Variants in ADAMTSL1 observed in about 807,000 individuals in gnomAD.
ADAMTSL1 encodes ADAMTS like 1.
A neutral mutation model predicts 201.8 loss-of-function variants in ADAMTSL1; 126 were observed. The observed-to-expected ratio is 0.62, with a 90% CI of 0.54 to 0.72. The LOEUF is 0.72. Ranked by LOEUF, ADAMTSL1 falls within the 30% of genes least tolerant of loss-of-function variation. The pLI is 0.00. For missense variants in ADAMTSL1, 2,679 were observed against 2,277.8 expected, an observed-to-expected ratio of 1.18 and a Z score of -3.59; for synonymous variants, 1,121 against 903.4, an observed-to-expected ratio of 1.24 and a Z score of -4.32.
At chr9:18,558,632 T>C (rs1821264768) in intron 3 of ADAMTSL1, among the ~76,000 whole-genome samples, 1 of 152,226 alleles carries the variant, frequency 6.6e-6, no homozygotes, top group Non-Finnish European at 1.5e-5. Flanking sequence ...ATCAACAGTG[T>C]AAAAGTGTTC....
chr9:18,414,392 C>G (rs561365040), intron 2 of ADAMTSL1, among the ~76,000 whole-genome samples: 13 of 152,156 alleles, frequency 8.5e-5, no homozygotes, highest in African/African-American at 2.9e-4. Flanking sequence ...TCAACATAAA[C>G]AGCTTCTATT....
intron 2 of ADAMTSL1, among the ~76,000 whole-genome samples, chr9:18,391,611 G>A (rs1466085936): frequency 1.3e-5 from 2 of 152,076 alleles, no homozygotes; most frequent in Non-Finnish European, 2.9e-5. Context: ...ATATTCATTG[G>A]CACAAGAATG....
intron 2 of ADAMTSL1, among the ~76,000 whole-genome samples, chr9:18,336,591 A>G (rs1376849745): frequency 3.3e-5 from 5 of 152,188 alleles, no homozygotes; most frequent in Non-Finnish European, 7.3e-5. Flanking sequence ...ACATCATAGA[A>G]TTTAAAATTT....
chr9:18,744,165 T>C (rs1358370704), intron 15 of ADAMTSL1, among the ~76,000 whole-genome samples: 8 of 152,266 alleles, frequency 5.3e-5, no homozygotes, highest in African/African-American at 1.9e-4. Context: ...CAAGTAGTTA[T>C]GAGCACCACA....
intron 1 of ADAMTSL1, among the ~76,000 whole-genome samples, chr9:17,992,983 A>T (rs1399513489): frequency 6.6e-6 from 1 of 152,164 alleles, no homozygotes; most frequent in South Asian, 2.1e-4. Flanking sequence ...ATCTATGTAA[A>T]TTTATATTTG....
At chr9:18,649,771 C>T (rs4977506) in intron 7 of ADAMTSL1, among the ~76,000 whole-genome samples, 3 of 151,724 alleles carry the variant, frequency 2.0e-5, no homozygotes, top group South Asian at 4.2e-4. Context: ...AGGAGTACCC[C>T]GCCGTGTGAG....
intron 3 of ADAMTSL1, among the ~76,000 whole-genome samples, chr9:18,556,686 AG>A (rs1413797337): frequency 6.6e-6 from 1 of 152,030 alleles, no homozygotes; most frequent in Non-Finnish European, 1.5e-5. Context: ...CAACAAACTA[AG>A]AAGTATGAGC....
At chr9:18,166,327 C>G (rs1196548431) in intron 2 of ADAMTSL1, among the ~76,000 whole-genome samples, 1 of 151,800 alleles carries the variant, frequency 6.6e-6, no homozygotes, top group Non-Finnish European at 1.5e-5. Context: ...AGAAAACCCA[C>G]CATGCCTATC....
intron 2 of ADAMTSL1, among the ~76,000 whole-genome samples, chr9:18,277,588 G>C (rs1227636602): frequency 2.6e-5 from 4 of 152,032 alleles, no homozygotes; most frequent in South Asian, 4.1e-4. Flanking sequence ...TGTAAGTTTA[G>C]CCACCTCTGC....
chr9:18,277,380 C>A (rs1832625860), intron 2 of ADAMTSL1, among the ~76,000 whole-genome samples: 1 of 152,072 alleles, frequency 6.6e-6, no homozygotes, highest in South Asian at 2.1e-4. Context: ...GTCTATTTCT[C>A]CCTTCAGTTC....
chr9:18,551,022 A>G (rs2132221400), intron 3 of ADAMTSL1, among the ~76,000 whole-genome samples: 1 of 152,070 alleles, frequency 6.6e-6, no homozygotes, highest in African/African-American at 2.4e-5. Context: ...AAACTAACAG[A>G]GAAAATCTGG....
chr9:18,267,793 A>AAAAAAAC (rs1563846276), intron 2 of ADAMTSL1, among the ~76,000 whole-genome samples: 1 of 148,166 alleles, frequency 6.7e-6, no homozygotes, highest in African/African-American at 2.5e-5. Context: ...AAAACAAAAA[A>AAAAAAAC]ACCTTAATCT....
chr9:18,580,558 TA>T (rs1281729208), intron 4 of ADAMTSL1, among the ~76,000 whole-genome samples: 2 of 152,198 alleles, frequency 1.3e-5, no homozygotes, highest in African/African-American at 4.8e-5. Flanking sequence ...ATAGTAAAGA[TA>T]AAACTAACTA....
At chr9:18,653,607 T>C (rs1308896525) in intron 7 of ADAMTSL1, among the ~76,000 whole-genome samples, 1 of 113,320 alleles carries the variant, frequency 8.8e-6, no homozygotes, top group Non-Finnish European at 1.8e-5. Flanking sequence ...GAGACCCCAT[T>C]TCTATGAAAA....
At chr9:17,986,506 C>A (rs929836050) in intron 1 of ADAMTSL1, among the ~76,000 whole-genome samples, 2 of 152,054 alleles carry the variant, frequency 1.3e-5, no homozygotes, top group Non-Finnish European at 2.9e-5. Flanking sequence ...ATCTGTAATC[C>A]TCTGTCATTT....
chr9:17,992,624 A>G (rs1196114878), intron 1 of ADAMTSL1, among the ~76,000 whole-genome samples: 1 of 152,094 alleles, frequency 6.6e-6, no homozygotes, highest in African/African-American at 2.4e-5. Context: ...TCCCCCTGCC[A>G]TCTCAAAAAA....
chr9:18,725,849 C>A (rs1275030129), intron 15 of ADAMTSL1, among the ~76,000 whole-genome samples: 1 of 152,146 alleles, frequency 6.6e-6, no homozygotes, highest in East Asian at 1.9e-4. Flanking sequence ...ATAGATAAAG[C>A]TTTTTCCCTT....
chr9:18,523,583 T>G (rs1239237107), intron 2 of ADAMTSL1, among the ~76,000 whole-genome samples: 4 of 151,980 alleles, frequency 2.6e-5, no homozygotes, highest in Admixed American at 1.3e-4. Context: ...AGGTCTAACG[T>G]TGAAGTCTTT....
chr9:17,976,851 G>A (rs1041857732), intron 1 of ADAMTSL1, among the ~76,000 whole-genome samples: 2 of 151,706 alleles, frequency 1.3e-5, no homozygotes, highest in Non-Finnish European at 2.9e-5. Flanking sequence ...AGTTGCTCGG[G>A]CTATGACTAT....
Sources: allele counts gnomAD v4.1 joint callset (sites outside exome capture counted in the v4.1 genomes callset), GRCh38; gene constraint gnomAD v4.1.1; transcripts MANE v1.5; gene names NCBI Gene and HGNC (gene_info 2026-07-23, HGNC 2026-07-21).